The following ELK3 variants were observed in gnomAD, a reference collection of about 807,000 sequenced individuals.
ELK3 encodes the protein ETS transcription factor ELK3, also known as ETS domain-containing protein Elk-3.
Under a neutral mutation model 28.9 loss-of-function variants are expected in ELK3, and 10 were observed. The observed-to-expected ratio is 0.35, with a 90% confidence interval of 0.21 to 0.59. The LOEUF (loss-of-function observed/expected upper bound fraction) is 0.59, where lower values mean the gene tolerates loss of function less well. Ranked by LOEUF, ELK3 falls within the 20% of genes least tolerant of loss-of-function variation. The pLI is 0.82. For missense variants in ELK3, 463 were observed against 517.3 expected, an observed-to-expected ratio of 0.90 and a Z score of 1.02; for synonymous variants, 272 against 243.5, an observed-to-expected ratio of 1.12 and a Z score of -1.09.
At chr12:96,209,789 A>G (rs1042381709) in intron 1 of ELK3, among the ~76,000 whole-genome samples, 5 of 152,214 alleles carry the variant, frequency 3.3e-5, no homozygotes, top group Non-Finnish European at 5.9e-5. Flanking sequence ...TTTACTTTCA[A>G]ATACTTTCAA....
chr12:96,266,954 G>A, intron 4 of ELK3, 128 bp from the exon 5 acceptor site: 1 of 602,670 alleles, frequency 1.7e-6, no homozygotes, highest in Non-Finnish European at 2.6e-6. Context: ...AAATACATTG[G>A]CAACTAATCT....
chr12:96,209,810 A>G (rs557312400), intron 1 of ELK3, among the ~76,000 whole-genome samples: 6 of 152,304 alleles, frequency 3.9e-5, no homozygotes, highest in African/African-American at 1.4e-4. Context: ...GAAGTCTTTT[A>G]GTTTGATAGT....
chr12:96,268,761 T>C lies in ELK3; in HGVS notation c.*1581T>C, dbSNP rs889070351. On this transcript the variant is annotated 3_prime_UTR_variant, in exon 5 of 5. Transcript: ENST00000228741. The stretch of plus-strand genomic sequence containing the variant: ...AATTTTCAGAAAAAAATCTAGACTA[T>C]TGCTTTGACACTTAGAAATTCTGAG... 6.6e-6 allele frequency: 1 copy of C among 152,168 alleles called. No homozygotes were observed. The highest frequency in any genetic ancestry group is 6.5e-5 in the Admixed American group (1 of 15,278). 9.4% of individuals were successfully genotyped at this position (152,168 alleles called of 1,614,324 possible).
intron 2 of ELK3, among the ~76,000 whole-genome samples, chr12:96,228,976 G>A (rs968352729): frequency 1.3e-5 from 2 of 152,212 alleles, no homozygotes; most frequent in Non-Finnish European, 2.9e-5. Context: ...TTCCAGTTAT[G>A]TGTATTTATA....
intron 2 of ELK3, among the ~76,000 whole-genome samples, chr12:96,228,442 A>AAAAAAAG (rs761298726): frequency 4.2e-5 from 6 of 142,646 alleles, no homozygotes; most frequent in Admixed American, 1.5e-4. Flanking sequence ...AAAAAAAAAA[A>AAAAAAAG]AAGAAGATCA....
chr12:96,240,164 T>C (rs1951810691), intron 2 of ELK3, among the ~76,000 whole-genome samples: 1 of 152,226 alleles, frequency 6.6e-6, no homozygotes, highest in Admixed American at 6.5e-5. Flanking sequence ...TCAGTTGAGA[T>C]ATGTAAACCA....
At chr12:96,226,968 C>G (rs1291481799) in intron 2 of ELK3, among the ~76,000 whole-genome samples, 1 of 152,158 alleles carries the variant, frequency 6.6e-6, no homozygotes, top group Non-Finnish European at 1.5e-5. Flanking sequence ...CTCTTTCTTC[C>G]TTCCGTTTTG....
At chr12:96,215,489 C>G (rs975891737) in intron 1 of ELK3, among the ~76,000 whole-genome samples, 2 of 152,078 alleles carry the variant, frequency 1.3e-5, no homozygotes, top group Non-Finnish European at 2.9e-5. Flanking sequence ...ACAGCTCTCA[C>G]GTAGGCGGAG....
intron 1 of ELK3, among the ~76,000 whole-genome samples, chr12:96,217,651 C>T (rs976116427): frequency 1.3e-5 from 2 of 152,032 alleles, no homozygotes; most frequent in Non-Finnish European, 2.9e-5. Context: ...AAACCAATTC[C>T]TCAGCTGGGC....
intron 1 of ELK3, chr12:96,223,002 G>T (rs745374260): frequency 4.2e-4 from 68 of 161,284 alleles, no homozygotes; most frequent in Non-Finnish European, 1.8e-4. Flanking sequence ...CAGATCTCAT[G>T]AGAACTCAGT....
chr12:96,201,258 G>A (rs182035125), intron 1 of ELK3, among the ~76,000 whole-genome samples: 1 of 152,250 alleles, frequency 6.6e-6, no homozygotes, highest in East Asian at 1.9e-4. Context: ...ATTACCTGAA[G>A]ACTAATTGGG....
intron 1 of ELK3, among the ~76,000 whole-genome samples, chr12:96,205,060 C>G (rs778799736): frequency 5.3e-5 from 8 of 152,216 alleles, no homozygotes; most frequent in Non-Finnish European, 8.8e-5. Flanking sequence ...TGGTGCTGCT[C>G]CTCTTTGCAG....
chr12:96,210,554 C>T (rs1158754236), intron 1 of ELK3, among the ~76,000 whole-genome samples: 10 of 130,128 alleles, frequency 7.7e-5, no homozygotes, highest in South Asian at 5.2e-4. Flanking sequence ...CCGCCCTGCG[C>T]GCGGGCGCAC....
chr12:96,214,397 C>T (rs1951596136), intron 1 of ELK3, among the ~76,000 whole-genome samples: 1 of 151,890 alleles, frequency 6.6e-6, no homozygotes, highest in African/African-American at 2.4e-5. Flanking sequence ...CACCACTGTG[C>T]TCCAGCCTGG....
At chr12:96,219,851 A>C (rs1304132229) in intron 1 of ELK3, among the ~76,000 whole-genome samples, 2 of 152,170 alleles carry the variant, frequency 1.3e-5, no homozygotes, top group African/African-American at 4.8e-5. Flanking sequence ...ATGACTGCCC[A>C]GTCATCGAAA....
intron 1 of ELK3, among the ~76,000 whole-genome samples, chr12:96,220,892 T>C (rs1951657029): frequency 6.6e-6 from 1 of 152,224 alleles, no homozygotes; most frequent in African/African-American, 2.4e-5. Flanking sequence ...CGGATGCTGC[T>C]TCAGATGATG....
At chr12:96,234,808 A>G (rs1951769122) in intron 2 of ELK3, among the ~76,000 whole-genome samples, 1 of 152,148 alleles carries the variant, frequency 6.6e-6, no homozygotes, top group South Asian at 2.1e-4. Context: ...CAGAGCTTTC[A>G]GACTAAGAGT....
intron 2 of ELK3, among the ~76,000 whole-genome samples, chr12:96,246,258 A>C (rs1283658115): frequency 6.6e-6 from 1 of 152,188 alleles, no homozygotes; most frequent in Admixed American, 6.5e-5. Context: ...AAGTGCTCTA[A>C]GCTTATTTTC....
In ELK3 at chr12:96,260,456, T is replaced by C. The variant is rs574903235; in HGVS notation, c.1125+603T>C. ...ACTTGCATCATTTTATGAATCATCATTAAGTTCTCCTTGTTCTGTAATGAA... is the reference window on the plus strand; with the variant it reads ...ACTTGCATCATTTTATGAATCATCACTAAGTTCTCCTTGTTCTGTAATGAA... On this transcript the variant is annotated intron_variant, in intron 4 of 4. Coordinates refer to ENST00000228741, the MANE Select transcript of ELK3 (RefSeq NM_005230.4). Among the ~76,000 whole-genome samples the C allele has an allele frequency of 2.0e-5, 3 of 152,346 alleles. No individual in the cohort carries two copies. In the South Asian group the frequency reaches 6.2e-4, roughly 32 times the overall value.
Sources: allele counts gnomAD v4.1 joint callset (sites outside exome capture counted in the v4.1 genomes callset), GRCh38; gene constraint gnomAD v4.1.1; transcripts MANE v1.5; gene names NCBI Gene and HGNC (gene_info 2026-07-23, HGNC 2026-07-21).